The following GALC variants were observed in gnomAD, a reference collection of about 807,000 sequenced individuals.
The protein encoded by GALC is galactosylceramidase.
Under a neutral mutation model 91.8 loss-of-function variants are expected in GALC, and 77 were observed. That is an observed-to-expected ratio of 0.84 (90% confidence interval 0.70 to 1.01). The LOEUF (loss-of-function observed/expected upper bound fraction) is 1.01, where lower values mean the gene tolerates loss of function less well. Ranked by LOEUF, GALC falls within the 50% of genes least tolerant of loss-of-function variation. The probability of loss-of-function intolerance (pLI) is 0.00; values close to 1 mark genes in which losing one functional copy is unlikely to be tolerated. For missense variants in GALC, 882 were observed against 855.9 expected (o/e 1.03, Z -0.38); for synonymous variants, 357 against 306.7 (o/e 1.16, Z -1.71).
At chr14:87,964,322 C>A (rs1290021482) in intron 9 of GALC, among the ~76,000 whole-genome samples, 3 of 152,082 alleles carry the variant, frequency 2.0e-5, no homozygotes, top group South Asian at 4.2e-4. Flanking sequence ...GGAAAACCAC[C>A]AAATTTAAGT....
rs1444528264 is a variant in GALC, at chr14:87,933,962, C to A, written c.*770G>T. The A allele has an allele frequency of 2.0e-6, 3 of 1,531,332 alleles. No individual in the cohort carries two copies. Among genetic ancestry groups the A allele is most frequent in the Non-Finnish European group, 1.7e-6 (2 of 1,143,010 alleles). The allele number at this position is 1,531,332 out of a possible 1,614,324, so 94.9% of individuals were successfully genotyped here. A position where few individuals can be genotyped will look rare whatever the true frequency, so the allele number is the denominator to read the frequency against. On this transcript the variant is annotated 3_prime_UTR_variant, in exon 17 of 17. Coordinates refer to ENST00000261304, the MANE Select transcript of GALC (RefSeq NM_000153.4). ...GAGGCTGAGGAAACGACTACAACAG[C>A]ATTGGCTATATCAGGTTTTCTTCCT... is the stretch of plus-strand genomic sequence containing the variant.
intron 4 of GALC, 130 bp from the exon 5 acceptor site, chr14:87,984,663 AG>A (rs1178441690): frequency 2.4e-6 from 2 of 837,260 alleles, no homozygotes; most frequent in African/African-American, 1.7e-5. Context: ...ACTAAAGGAA[AG>A]TTTATATACC....
At chr14:87,989,921 ACT>A (rs1271554885) in intron 1 of GALC, among the ~76,000 whole-genome samples, 1 of 151,784 alleles carries the variant, frequency 6.6e-6, no homozygotes, top group Non-Finnish European at 1.5e-5. Flanking sequence ...ATCCCTTATC[ACT>A]CTCACACCTT....
intron 10 of GALC, among the ~76,000 whole-genome samples, chr14:87,958,049 C>T (rs1249543895): frequency 6.6e-6 from 1 of 151,930 alleles, no homozygotes; most frequent in African/African-American, 2.4e-5. Flanking sequence ...TCCAAACAGC[C>T]AAAGCAATCC....
At chr14:87,956,082 G>T (rs563851516) in intron 10 of GALC, among the ~76,000 whole-genome samples, 8 of 152,060 alleles carry the variant, frequency 5.3e-5, no homozygotes, top group Admixed American at 5.3e-4. Context: ...ATCAGTCTTT[G>T]GAACAATTTA....
chr14:87,965,896 G>A (rs1355362134), intron 8 of GALC, among the ~76,000 whole-genome samples: 1 of 152,146 alleles, frequency 6.6e-6, no homozygotes, highest in Non-Finnish European at 1.5e-5. Flanking sequence ...CTGAACTGTG[G>A]TATAGCCAGA....
chr14:87,955,935 T>C (rs1885519784), intron 10 of GALC, among the ~76,000 whole-genome samples: 1 of 150,728 alleles, frequency 6.6e-6, no homozygotes, highest in Non-Finnish European at 1.5e-5. Context: ...TAATAGATTA[T>C]CATACTGCCT....
At chr14:87,984,856 G>A (rs1447461063) in intron 4 of GALC, among the ~76,000 whole-genome samples, 1 of 152,142 alleles carries the variant, frequency 6.6e-6, no homozygotes, top group African/African-American at 2.4e-5. Context: ...AACTTAACAT[G>A]TCCACTCACT....
chr14:87,993,276 GT>G (rs1332408130), upstream of GALC: 2 of 1,540,122 alleles, frequency 1.3e-6, no homozygotes, highest in African/African-American at 1.4e-5. Context: ...TTGAGTGCGG[GT>G]CAAGGGCCTC....
intron 6 of GALC, 99 bp from the exon 7 acceptor site, chr14:87,976,587 G>A (rs193110160): frequency 2.5e-5 from 25 of 982,824 alleles, no homozygotes; most frequent in African/African-American, 1.1e-4. Context: ...ACAAATCAGC[G>A]TTCTGGATAA....
intron 1 of GALC, chr14:87,992,522 G>A: frequency 1.3e-6 from 2 of 1,529,226 alleles, no homozygotes; most frequent in Non-Finnish European, 1.7e-6. Flanking sequence ...CCTCCAAAAG[G>A]GAGAGACACA....
intron 10 of GALC, among the ~76,000 whole-genome samples, chr14:87,961,955 C>T (rs956433657): frequency 2.6e-5 from 4 of 152,152 alleles, no homozygotes; most frequent in Non-Finnish European, 5.9e-5. Context: ...GTTTGTGATT[C>T]CTGTATAAAT....
rs1015595560 is a variant in GALC at position 87,993,108 on chromosome 14, C to G, written c.57G>C (p.Ala19=). Residue 19 remains alanine (A), a synonymous_variant, in exon 1 of 17, where the codon GCG becomes GCC. Coordinates refer to ENST00000261304, the MANE Select transcript of GALC (RefSeq NM_000153.4). ...SWQRRAKAMT[A]AAGSAGRAAV... ...CGGCGCGGCCCGCCGAACCCGCGGC[C>G]GCAGTCATAGCTTTCGCTCGGCGTT... is the stretch of plus-strand genomic sequence containing the variant. 1.9e-6 allele frequency: 3 copies of G among 1,588,894 alleles called. No individual in the cohort carries two copies. The highest frequency in any genetic ancestry group is 2.6e-6 in the Non-Finnish European group (3 of 1,168,504).
At chr14:87,986,346 C>G (rs996293143) in intron 4 of GALC, 143 bp downstream of exon 4, 1 of 688,134 alleles carries the variant, frequency 1.5e-6, no homozygotes, top group Admixed American at 2.0e-5. Flanking sequence ...ACCCCTGGCA[C>G]ATGCTTTGCT....
chr14:87,950,162 G>A (rs1885243822), intron 11 of GALC, among the ~76,000 whole-genome samples: 1 of 151,956 alleles, frequency 6.6e-6, no homozygotes, highest in Admixed American at 6.6e-5. Flanking sequence ...AAAAATTACA[G>A]TGTCTTTGCT....
At chr14:87,945,899 G>A (rs76158048) in intron 13 of GALC, among the ~76,000 whole-genome samples, 166 bp from the exon 14 acceptor site, 1 of 151,982 alleles carries the variant, frequency 6.6e-6, no homozygotes, top group Non-Finnish European at 1.5e-5. Flanking sequence ...ATTAATTTTT[G>A]TATCATCATT....
In GALC at chr14:87,934,749, CAAGA is replaced by C. The variant is rs754507781; in HGVS notation, c.2037_2040del (p.Phe679LeufsTer9). ...GTTAAGTATTAGCGTGTGGCTTCCA[CAAGA>C]AAGTTGTCAAACTGTGCAAATTCAA... On this transcript the variant is annotated frameshift_variant, in exon 17 of 17. Coordinates refer to ENST00000261304, the MANE Select transcript of GALC (RefSeq NM_000153.4). LOFTEE classifies it high-confidence loss of function. The C allele has an allele frequency of 3.1e-6, 5 of 1,613,206 alleles. No homozygotes were observed. Among genetic ancestry groups the C allele is most frequent in the Non-Finnish European group, 4.2e-6 (5 of 1,179,454 alleles).
Position 87,950,726 on chromosome 14 carries a change from A to G in GALC, c.1184T>C (p.Ile395Thr), listed in dbSNP as rs569569879. The change falls in exon 11 of 17, where the codon ATA becomes ACA. Residue 395 changes from isoleucine to threonine, a missense_variant. Ile to Thr is a moderately conservative substitution (Grantham distance 89). Coordinates refer to ENST00000261304, the MANE Select transcript of GALC (RefSeq NM_000153.4). Reference protein sequence around the residue: ...ETMSHKHSKCIRPFLPYFNVS... With the variant: ...ETMSHKHSKCTRPFLPYFNVS... ...ATTGAAATAAGGAAGAAATGGCCGT[A>G]TGCACTTAGAATGTTTATGACTCTG... 1.1e-5 allele frequency: 18 copies of G among 1,596,426 alleles called. No individual in the cohort carries two copies. Among genetic ancestry groups the G allele is most frequent in the Non-Finnish European group, 1.4e-5 (16 of 1,171,608 alleles).
intron 7 of GALC, among the ~76,000 whole-genome samples, chr14:87,970,997 A>C (rs1361608294): frequency 6.6e-6 from 1 of 152,168 alleles, no homozygotes; most frequent in Non-Finnish European, 1.5e-5. Flanking sequence ...GATCAATGAA[A>C]GTAAACCAAC....
Sources: gnomAD v4.1 joint callset for allele counts (sites outside exome capture counted in the v4.1 genomes callset) on GRCh38, gnomAD v4.1.1 for gene constraint, MANE v1.5 for transcripts, NCBI Gene and HGNC (gene_info 2026-07-23, HGNC 2026-07-21) for gene names.